GALNT13: variants seen among roughly 807,000 people sequenced by gnomAD.
GALNT13 encodes polypeptide N-acetylgalactosaminyltransferase 13.
A neutral mutation model predicts 64.2 loss-of-function variants in GALNT13; 28 were observed. The observed-to-expected ratio is 0.44, with a 90% CI of 0.32 to 0.60. The LOEUF is 0.60. GALNT13 is among the 20% of genes least tolerant of loss of function. The pLI, the probability that GALNT13 is intolerant of heterozygous loss-of-function variation, is 0.05. For missense variants in GALNT13, 577 were observed against 669.8 expected (o/e 0.86, Z 1.53); for synonymous variants, 214 against 224.6 (o/e 0.95, Z 0.42).
chr2:153,779,931 A>G, the GALNT13 span, among the ~76,000 whole-genome samples: 1 of 151,926 alleles, frequency 6.6e-6, no homozygotes, highest in Non-Finnish European at 1.5e-5. Context: ...CTTCGTTTCC[A>G]TCTAGTTTAA....
the GALNT13 span, among the ~76,000 whole-genome samples, chr2:153,542,252 G>A: frequency 1.4e-4 from 22 of 152,082 alleles, no homozygotes; most frequent in South Asian, 1.5e-3. Context: ...CCCAGGAGGT[G>A]GAGGTTGCAG....
At chr2:153,863,152 A>G in the GALNT13 span, among the ~76,000 whole-genome samples, 2 of 152,108 alleles carry the variant, frequency 1.3e-5, no homozygotes, top group African/African-American at 4.8e-5. Flanking sequence ...TCTACTTAAA[A>G]TTTTCTTGTC....
the GALNT13 span, among the ~76,000 whole-genome samples, chr2:153,691,005 A>G: frequency 6.6e-6 from 1 of 152,124 alleles, no homozygotes; most frequent in Non-Finnish European, 1.5e-5. Context: ...TGGGTAGACC[A>G]GACTTGAATG....
At chr2:153,603,643 A>G in the GALNT13 span, among the ~76,000 whole-genome samples, 1 of 151,948 alleles carries the variant, frequency 6.6e-6, no homozygotes, top group African/African-American at 2.4e-5. Flanking sequence ...TTAATCCTCA[A>G]CTTTTCCTAT....
intron 4 of GALNT13, among the ~76,000 whole-genome samples, chr2:154,191,405 T>C (rs886468352): frequency 1.3e-5 from 2 of 152,190 alleles, no homozygotes; most frequent in Non-Finnish European, 2.9e-5. Context: ...CTTGGAAAGC[T>C]GCACTTGGAA....
the GALNT13 span, among the ~76,000 whole-genome samples, chr2:153,740,269 G>A: frequency 1.9e-4 from 29 of 151,930 alleles, no homozygotes; most frequent in African/African-American, 6.8e-4. Flanking sequence ...CTGAGGCACT[G>A]TTCACTCTTT....
intron 7 of GALNT13, among the ~76,000 whole-genome samples, chr2:154,258,003 T>C (rs1247092285): frequency 2.6e-5 from 4 of 151,968 alleles, no homozygotes; most frequent in Admixed American, 6.6e-5. Flanking sequence ...CTGTGGAGGG[T>C]GGAAATTAAA....
the GALNT13 span, among the ~76,000 whole-genome samples, chr2:153,223,709 A>G: frequency 1.6e-4 from 25 of 152,332 alleles, no homozygotes; most frequent in African/African-American, 5.5e-4. Flanking sequence ...ATGCCTGCCC[A>G]GCACTTTGGG....
chr2:153,843,481 A>G, the GALNT13 span, among the ~76,000 whole-genome samples: 1 of 152,222 alleles, frequency 6.6e-6, no homozygotes, highest in Non-Finnish European at 1.5e-5. Flanking sequence ...TGGTGATTAC[A>G]TCTCAACATG....
intron 9 of GALNT13, among the ~76,000 whole-genome samples, chr2:154,315,827 T>G (rs1694289823): frequency 6.6e-6 from 1 of 152,198 alleles, no homozygotes; most frequent in African/African-American, 2.4e-5. Context: ...TAAGATATAT[T>G]CTAAGCACTC....
chr2:154,136,580 A>G (rs1682963032), intron 3 of GALNT13, among the ~76,000 whole-genome samples: 2 of 152,160 alleles, frequency 1.3e-5, no homozygotes, highest in Admixed American at 6.6e-5. Flanking sequence ...TTTGTTTATA[A>G]TATGATCATC....
chr2:154,123,275 G>T (rs1384813097), intron 3 of GALNT13, among the ~76,000 whole-genome samples: 1 of 151,964 alleles, frequency 6.6e-6, no homozygotes, highest in Non-Finnish European at 1.5e-5. Context: ...TCAGCATTGA[G>T]AAAGTATTTT....
intron 1 of GALNT13, among the ~76,000 whole-genome samples, chr2:153,888,395 A>G (rs1191011969): frequency 1.3e-5 from 2 of 152,014 alleles, no homozygotes; most frequent in Non-Finnish European, 2.9e-5. Flanking sequence ...TTATATGAGG[A>G]CATTATAGGT....
the GALNT13 span, among the ~76,000 whole-genome samples, chr2:153,182,501 T>C: frequency 2.0e-5 from 3 of 152,204 alleles, no homozygotes; most frequent in Non-Finnish European, 4.4e-5. Flanking sequence ...GTTGGTTACA[T>C]AGGTAAATGT....
the GALNT13 span, among the ~76,000 whole-genome samples, chr2:153,542,373 G>C: frequency 4.5e-4 from 68 of 150,420 alleles, no homozygotes; most frequent in African/African-American, 1.6e-3. Flanking sequence ...AAAAAAACCG[G>C]AAGTAGAAGC....
the GALNT13 span, among the ~76,000 whole-genome samples, chr2:153,135,549 T>C: frequency 6.6e-6 from 1 of 152,150 alleles, no homozygotes; most frequent in African/African-American, 2.4e-5. Flanking sequence ...AATTCTCTGT[T>C]CCAATAATGC....
chr2:153,624,238 C>A, the GALNT13 span, among the ~76,000 whole-genome samples: 2 of 152,076 alleles, frequency 1.3e-5, no homozygotes, highest in Admixed American at 1.3e-4. Flanking sequence ...CCCAGAGTAA[C>A]TCATTCATGA....
chr2:153,465,519 T>G, the GALNT13 span, among the ~76,000 whole-genome samples: 3 of 151,476 alleles, frequency 2.0e-5, no homozygotes, highest in East Asian at 5.8e-4. Context: ...ATTTATCCAT[T>G]ATCACCTTTT....
intron 3 of GALNT13, among the ~76,000 whole-genome samples, chr2:153,979,076 C>T (rs1422883287): frequency 6.6e-6 from 1 of 152,042 alleles, no homozygotes; most frequent in African/African-American, 2.4e-5. Context: ...ATAAGAAACA[C>T]TCTGAAAGGT....
Sources: allele counts gnomAD v4.1 joint callset (sites outside exome capture counted in the v4.1 genomes callset), GRCh38; gene constraint gnomAD v4.1.1; transcripts MANE v1.5; gene names NCBI Gene and HGNC (gene_info 2026-07-23, HGNC 2026-07-21).